The following CTNND2 variants were observed in gnomAD, a reference collection of about 807,000 sequenced individuals.
The protein encoded by CTNND2 is catenin delta 2.
A neutral mutation model predicts 144.4 loss-of-function variants in CTNND2; 22 were observed. That is an observed-to-expected ratio of 0.15 (90% CI 0.11 to 0.22). The LOEUF is 0.22. Ranked by LOEUF, CTNND2 falls within the 10% of genes least tolerant of loss-of-function variation. The pLI is 1.00. For synonymous variants in CTNND2, 751 were observed against 695.6 expected (o/e 1.08, Z -1.25); for missense variants, 1,353 against 1,618.8 (o/e 0.84, Z 2.82).
At chr5:11,339,381 T>A (rs1165584273) in intron 9 of CTNND2, among the ~76,000 whole-genome samples, 1 of 151,950 alleles carries the variant, frequency 6.6e-6, no homozygotes, top group East Asian at 1.9e-4. Context: ...AAGGCAGATG[T>A]GACAAAAGCA....
intron 14 of CTNND2, among the ~76,000 whole-genome samples, chr5:11,100,135 G>C (rs935253525): frequency 6.6e-6 from 1 of 152,154 alleles, no homozygotes; most frequent in Admixed American, 6.5e-5. Context: ...AGAGATGGCT[G>C]CTGTCACAAA....
At chr5:11,645,331 T>C (rs1223289302) in intron 2 of CTNND2, among the ~76,000 whole-genome samples, 1 of 152,082 alleles carries the variant, frequency 6.6e-6, no homozygotes, top group Non-Finnish European at 1.5e-5. Context: ...ATTTATTATA[T>C]TATGACTCAA....
intron 3 of CTNND2, among the ~76,000 whole-genome samples, chr5:11,555,460 G>A (rs1190054368): frequency 6.6e-6 from 1 of 152,132 alleles, no homozygotes; most frequent in African/African-American, 2.4e-5. Context: ...GAGGTTTAGA[G>A]GAATAAGAGC....
chr5:11,651,886 T>G (rs911416404), intron 2 of CTNND2, among the ~76,000 whole-genome samples: 1 of 152,140 alleles, frequency 6.6e-6, no homozygotes, highest in Non-Finnish European at 1.5e-5. Flanking sequence ...TTTTATTTAT[T>G]TTTTTTATTT....
At chr5:11,589,517 A>G (rs1779101841) in intron 2 of CTNND2, among the ~76,000 whole-genome samples, 1 of 152,200 alleles carries the variant, frequency 6.6e-6, no homozygotes, top group Non-Finnish European at 1.5e-5. Flanking sequence ...GAAATAGATT[A>G]CAATTCAAAG....
chr5:11,665,004 G>A (rs989446905), intron 2 of CTNND2, among the ~76,000 whole-genome samples: 4 of 152,110 alleles, frequency 2.6e-5, no homozygotes, highest in African/African-American at 4.8e-5. Flanking sequence ...TTGGTGTCAC[G>A]GGGTTTCCAT....
At chr5:11,088,691 C>T (rs1447075166) in intron 15 of CTNND2, among the ~76,000 whole-genome samples, 7 of 152,144 alleles carry the variant, frequency 4.6e-5, no homozygotes, top group Non-Finnish European at 4.4e-5. Context: ...ATTGATAAGC[C>T]CTTTCAGTCT....
At chr5:11,141,220 C>A (rs763418523) in intron 12 of CTNND2, among the ~76,000 whole-genome samples, 3 of 152,172 alleles carry the variant, frequency 2.0e-5, no homozygotes, top group Non-Finnish European at 2.9e-5. Context: ...TCCCAAAGTG[C>A]TGGGATTACA....
At chr5:11,820,921 G>C (rs1793275800) in intron 1 of CTNND2, among the ~76,000 whole-genome samples, 1 of 152,170 alleles carries the variant, frequency 6.6e-6, no homozygotes, top group African/African-American at 2.4e-5. Flanking sequence ...TATTTTTAAA[G>C]ATAAATTAAG....
chr5:11,128,807 A>T (rs1375970659), intron 12 of CTNND2, among the ~76,000 whole-genome samples: 4 of 16,810 alleles, frequency 2.4e-4, no homozygotes, highest in Non-Finnish European at 4.6e-4. Flanking sequence ...ATATATATAC[A>T]ATATATATAA....
chr5:11,137,202 G>C (rs1291747870), intron 12 of CTNND2, among the ~76,000 whole-genome samples: 1 of 152,140 alleles, frequency 6.6e-6, no homozygotes, highest in Non-Finnish European at 1.5e-5. Context: ...TGACAGAAAA[G>C]CCATATGAGG....
At chr5:11,472,642 T>C (rs1040523605) in intron 3 of CTNND2, among the ~76,000 whole-genome samples, 1 of 152,240 alleles carries the variant, frequency 6.6e-6, no homozygotes, top group African/African-American at 2.4e-5. Flanking sequence ...AAGAATGTTA[T>C]AGTCTTGAGA....
rs78697229 is a variant in CTNND2 at position 11,821,185 on chromosome 5, C to A, written c.37+82632G>T. ...TAGGTCTAATACTCATTTGTCAGAA[C>A]TTTTTGAATATAAGCTTATTCGTGT... On this transcript the variant is annotated intron_variant, in intron 1 of 21. Coordinates refer to ENST00000304623, the MANE Select transcript of CTNND2 (RefSeq NM_001332.4). Among the ~76,000 whole-genome samples, 1,156 of 152,192 alleles carry A rather than the reference C, an allele frequency of 7.6e-3. 21 individuals are homozygous for A. The highest frequency in any genetic ancestry group is 0.026 in the African/African-American group (1,087 of 41,530).
At chr5:11,441,896 G>A (rs1344987055) in intron 3 of CTNND2, among the ~76,000 whole-genome samples, 1 of 152,050 alleles carries the variant, frequency 6.6e-6, no homozygotes, top group Non-Finnish European at 1.5e-5. Flanking sequence ...ATTAACTTAC[G>A]CTTTTTTCCA....
At chr5:11,826,408 T>G (rs905719354) in intron 1 of CTNND2, among the ~76,000 whole-genome samples, 1 of 151,896 alleles carries the variant, frequency 6.6e-6, no homozygotes, top group Non-Finnish European at 1.5e-5. Flanking sequence ...AAAACTCAAT[T>G]AATCCAAAAG....
chr5:11,310,767 CACAT>C (rs1447397653), intron 9 of CTNND2, among the ~76,000 whole-genome samples: 2 of 151,694 alleles, frequency 1.3e-5, no homozygotes, highest in East Asian at 1.9e-4. Context: ...ACCTCACACA[CACAT>C]ACACTCTCAC....
At chr5:11,826,364 T>C (rs1269550826) in intron 1 of CTNND2, among the ~76,000 whole-genome samples, 1 of 151,884 alleles carries the variant, frequency 6.6e-6, no homozygotes, top group East Asian at 1.9e-4. Context: ...TAGACTAATA[T>C]GCCAATAGTG....
At chr5:11,879,337 G>GTATATATATATATATATATATA in intron 1 of CTNND2, among the ~76,000 whole-genome samples, 1 of 9,450 alleles carries the variant, frequency 1.1e-4, no homozygotes, top group African/African-American at 1.7e-4. Context: ...AAAATTAAAT[G>GTATATATATATATATATATATA]TGTGTATATA....
intron 13 of CTNND2, among the ~76,000 whole-genome samples, chr5:11,113,960 C>A (rs1400366386): frequency 5.9e-5 from 9 of 152,212 alleles, no homozygotes; most frequent in African/African-American, 1.9e-4. Flanking sequence ...TCATTCCAGA[C>A]CTTTCTTGTC....
Sources: allele counts gnomAD v4.1 joint callset (sites outside exome capture counted in the v4.1 genomes callset), GRCh38; gene constraint gnomAD v4.1.1; transcripts MANE v1.5; gene names NCBI Gene and HGNC (gene_info 2026-07-23, HGNC 2026-07-21).